Variants in RBFOX1 observed in about 807,000 individuals in gnomAD.
RBFOX1 encodes the protein RNA binding protein fox-1 homolog 1.
RBFOX1 carries 8 observed loss-of-function variants against 57.7 expected under a neutral mutation model. The observed-to-expected ratio is 0.14, with a 90% CI of 0.08 to 0.25. RBFOX1 has a LOEUF of 0.25. Ranked by LOEUF, RBFOX1 falls within the 10% of genes least tolerant of loss-of-function variation. The pLI is 1.00. For missense variants in RBFOX1, 611 were observed against 548.5 expected, an observed-to-expected ratio of 1.11 and a Z score of -1.14; for synonymous variants, 326 against 222.4, an observed-to-expected ratio of 1.47 and a Z score of -4.15.
At chr16:6,646,215 A>C (rs1457885766) in intron 2 of RBFOX1, among the ~76,000 whole-genome samples, 1 of 152,160 alleles carries the variant, frequency 6.6e-6, no homozygotes, top group Non-Finnish European at 1.5e-5. Context: ...CACCGGCTCT[A>C]GGCAGCGTGA....
chr16:5,375,085 CAAA>C (rs576765968), intron 1 of RBFOX1, among the ~76,000 whole-genome samples: 70 of 37,098 alleles, frequency 1.9e-3, no homozygotes, highest in African/African-American at 5.9e-3. Flanking sequence ...TTTAAATGGC[CAAA>C]AAAAAAAAAA....
chr16:6,438,043 T>A (rs572477255), intron 2 of RBFOX1, among the ~76,000 whole-genome samples: 2 of 152,294 alleles, frequency 1.3e-5, no homozygotes, highest in East Asian at 3.9e-4. Context: ...TTCATCCCAA[T>A]GCCGTTCACC....
At chr16:7,710,014 A>G (rs1568617993) in intron 15 of RBFOX1, 14 of 1,009,258 alleles carry the variant, frequency 1.4e-5, no homozygotes, top group Non-Finnish European at 1.4e-5. Context: ...GCCACCTTGT[A>G]GCCATTAAAA....
rs530077969 is a variant in RBFOX1 at position 6,429,283 on chromosome 16, G to A, written c.-64+112226G>A. Among the ~76,000 whole-genome samples the A allele has an allele frequency of 1.3e-4, 20 of 152,348 alleles. No homozygotes were observed. The South Asian group carries it at 2.7e-3, about 21-fold the overall frequency. Reference sequence around the variant, plus strand: ...AAGGAGCAAAACCTTGGCATCAGCCGTGCACACGGCCCTGGGATCTTTGCC... The same window carrying A: ...AAGGAGCAAAACCTTGGCATCAGCCATGCACACGGCCCTGGGATCTTTGCC... On this transcript the variant is annotated intron_variant, in intron 2 of 15. Coordinates refer to ENST00000550418, the MANE Select transcript of RBFOX1 (RefSeq NM_018723.4).
chr16:7,688,711 A>G (rs2076667828), intron 14 of RBFOX1, among the ~76,000 whole-genome samples: 1 of 152,114 alleles, frequency 6.6e-6, no homozygotes, highest in African/African-American at 2.4e-5. Context: ...TAGATGGTTG[A>G]TCTATAAAAC....
intron 2 of RBFOX1, among the ~76,000 whole-genome samples, chr16:6,515,420 CT>C (rs1484682038): frequency 3.3e-5 from 5 of 152,160 alleles, no homozygotes; most frequent in Admixed American, 3.3e-4. Context: ...ATTTAGAGTC[CT>C]CCCATTTTGG....
chr16:7,546,485 T>C (rs1162683500), intron 5 of RBFOX1, among the ~76,000 whole-genome samples: 3 of 152,090 alleles, frequency 2.0e-5, no homozygotes, highest in African/African-American at 7.2e-5. Context: ...ATATAGAAAA[T>C]ATAGTATATC....
At chr16:6,940,493 G>A (rs1401187491) in intron 3 of RBFOX1, among the ~76,000 whole-genome samples, 1 of 152,178 alleles carries the variant, frequency 6.6e-6, no homozygotes, top group Non-Finnish European at 1.5e-5. Context: ...GGTAAATATT[G>A]ATGAAGGGAA....
intron 3 of RBFOX1, among the ~76,000 whole-genome samples, chr16:5,605,607 C>G (rs72633288): frequency 6.6e-6 from 1 of 151,324 alleles, no homozygotes; most frequent in Non-Finnish European, 1.5e-5. Context: ...TGAGTAATGT[C>G]TGCCTTGGGT....
At chr16:6,223,161 A>G (rs1309244884) in intron 1 of RBFOX1, among the ~76,000 whole-genome samples, 1 of 150,538 alleles carries the variant, frequency 6.6e-6, no homozygotes, top group Non-Finnish European at 1.5e-5. Context: ...CAATAAACAT[A>G]CGTGTGCATG....
At chr16:7,292,383 TAC>T (rs1312604372) in intron 4 of RBFOX1, among the ~76,000 whole-genome samples, 1 of 141,216 alleles carries the variant, frequency 7.1e-6, no homozygotes, top group Non-Finnish European at 1.5e-5. Context: ...ATATATGATA[TAC>T]ATGATATATA....
At position 6,597,302 on chromosome 16, in the gene RBFOX1, T is replaced by C. The variant is rs558092952; in HGVS notation, c.-63-57301T>C. Reference sequence around the variant, plus strand: ...GTGCCAGTTTTATACCCTAAAGCCATCTGAGTCCCCTTTTCCTTTCCCTGT... The same window carrying C: ...GTGCCAGTTTTATACCCTAAAGCCACCTGAGTCCCCTTTTCCTTTCCCTGT... On this transcript the variant is annotated intron_variant, in intron 2 of 15. Transcript: ENST00000550418. Among the ~76,000 whole-genome samples, 5 of 152,238 alleles carry C rather than the reference T, an allele frequency of 3.3e-5. No homozygotes were observed. The South Asian group carries it at 1.0e-3, about 32-fold the overall frequency.
chr16:5,319,241 G>A (rs991028394), intron 1 of RBFOX1, among the ~76,000 whole-genome samples: 2 of 152,218 alleles, frequency 1.3e-5, no homozygotes, highest in Non-Finnish European at 2.9e-5. Context: ...GTGATGGAGA[G>A]GGCCATGTGG....
intron 2 of RBFOX1, among the ~76,000 whole-genome samples, chr16:6,336,318 C>A (rs900908209): frequency 6.7e-6 from 1 of 148,374 alleles, no homozygotes; most frequent in African/African-American, 2.5e-5. Flanking sequence ...GCCTCAGCCT[C>A]CCGTGTAGCT....
intron 10 of RBFOX1, among the ~76,000 whole-genome samples, chr16:7,625,908 G>A (rs1347379923): frequency 6.6e-6 from 1 of 152,158 alleles, no homozygotes; most frequent in East Asian, 1.9e-4. Context: ...GGACTCATGA[G>A]GATAGGAAGA....
intron 1 of RBFOX1, 26 bp downstream of exon 1, chr16:6,020,018 C>T: frequency 6.7e-7 from 1 of 1,488,014 alleles, no homozygotes; most frequent in Non-Finnish European, 9.0e-7. Context: ...GTCATTGCCT[C>T]TGCACCCACC....
At chr16:7,090,743 C>G (rs1476470845) in intron 4 of RBFOX1, among the ~76,000 whole-genome samples, 1 of 152,182 alleles carries the variant, frequency 6.6e-6, no homozygotes, top group Non-Finnish European at 1.5e-5. Flanking sequence ...ATTCACCAAA[C>G]TTGGCCACGG....
intron 4 of RBFOX1, among the ~76,000 whole-genome samples, chr16:7,131,923 C>G (rs2070533873): frequency 6.6e-6 from 1 of 151,622 alleles, no homozygotes; most frequent in African/African-American, 2.4e-5. Flanking sequence ...AGAAGTGGTT[C>G]TTAATCTCAC....
intron 4 of RBFOX1, among the ~76,000 whole-genome samples, chr16:7,393,312 G>A (rs1466513866): frequency 6.6e-6 from 1 of 152,112 alleles, no homozygotes; most frequent in Admixed American, 6.5e-5. Context: ...GGGAAGATGG[G>A]GTACTTGATT....
Sources: gnomAD v4.1 joint callset for allele counts (sites outside exome capture counted in the v4.1 genomes callset) on GRCh38, gnomAD v4.1.1 for gene constraint, MANE v1.5 for transcripts, NCBI Gene and HGNC (gene_info 2026-07-23, HGNC 2026-07-21) for gene names.